The following CNTN1 variants were observed in gnomAD, a reference collection of about 807,000 sequenced individuals.
CNTN1 encodes the protein contactin 1, also known as contactin-1.
A neutral mutation model predicts 126.4 loss-of-function variants in CNTN1; 38 were observed. That is an observed-to-expected ratio of 0.30 (90% CI 0.23 to 0.39). The LOEUF (loss-of-function observed/expected upper bound fraction) is 0.39, where lower values mean the gene tolerates loss of function less well. CNTN1 is among the 10% of genes least tolerant of loss of function. The pLI is 1.00. For synonymous variants in CNTN1, 413 were observed against 422.6 expected (o/e 0.98, Z 0.28); for missense variants, 1,009 against 1,248.4 (o/e 0.81, Z 2.89).
intron 1 of CNTN1, among the ~76,000 whole-genome samples, chr12:40,844,954 G>A (rs546031365): frequency 6.6e-6 from 1 of 152,034 alleles, no homozygotes; most frequent in Non-Finnish European, 1.5e-5. Flanking sequence ...GAAAATAAAG[G>A]AAATTTCAAT....
chr12:41,066,020 T>C (rs1490261005), intron 23 of CNTN1, among the ~76,000 whole-genome samples: 2 of 152,190 alleles, frequency 1.3e-5, no homozygotes, highest in African/African-American at 4.8e-5. Context: ...ATACCTCATA[T>C]ATATTAGGCA....
Position 41,020,459 on chromosome 12 carries a change from A to G in CNTN1, c.2523+19A>G. 7.0e-7 allele frequency: 1 copy of G among 1,430,682 alleles called. No homozygotes were observed. The highest frequency in any genetic ancestry group is 1.2e-5 in the South Asian group (1 of 86,548). 88.6% of individuals were successfully genotyped at this position (1,430,682 alleles called of 1,614,324 possible). On this transcript the variant is annotated intron_variant, in intron 20 of 23. Coordinates refer to ENST00000551295, the MANE Select transcript of CNTN1 (RefSeq NM_001843.4). ...CTATCAGGTACGTTAAATTTTTATC[A>G]AACTAAATACATTTATTCATAAATA...
At chr12:40,937,986 T>C (rs1946137767) in intron 11 of CNTN1, among the ~76,000 whole-genome samples, 2 of 152,186 alleles carry the variant, frequency 1.3e-5, no homozygotes, top group Admixed American at 1.3e-4. Flanking sequence ...ATGGACACTT[T>C]AAAAAGATAC....
At chr12:40,749,861 G>A (rs1210866358) in intron 1 of CNTN1, among the ~76,000 whole-genome samples, 38 of 151,512 alleles carry the variant, frequency 2.5e-4, no homozygotes, top group Non-Finnish European at 4.4e-5. Context: ...GAGAAGAGTT[G>A]GAGTCTAGGG....
intron 1 of CNTN1, among the ~76,000 whole-genome samples, chr12:40,778,754 A>G (rs893779558): frequency 6.6e-6 from 1 of 151,834 alleles, no homozygotes; most frequent in African/African-American, 2.4e-5. Context: ...AACTACATAG[A>G]AAATATTTCC....
At chr12:41,057,077 AT>A (rs1345124288) in intron 23 of CNTN1, among the ~76,000 whole-genome samples, 1 of 130,458 alleles carries the variant, frequency 7.7e-6, no homozygotes, top group African/African-American at 2.8e-5. Context: ...ATATTTAGAT[AT>A]TTATAAATAT....
chr12:40,996,424 G>T lies in CNTN1; in HGVS notation c.2113+3155G>T, dbSNP rs116127759. ...TGGGATTACAGGCATGAGCCACCGGGTCTGGCCTGAGTCTCACTTTTTTCA... is the reference window on the plus strand; with the variant it reads ...TGGGATTACAGGCATGAGCCACCGGTTCTGGCCTGAGTCTCACTTTTTTCA... On this transcript the variant is annotated intron_variant, in intron 17 of 23. Transcript: ENST00000551295. Among the ~76,000 whole-genome samples, 4 of 152,214 alleles carry T rather than the reference G, an allele frequency of 2.6e-5. 1 individual carries two copies. Among genetic ancestry groups the T allele is most frequent in the African/African-American group, 7.2e-5 (3 of 41,550 alleles).
intron 1 of CNTN1, among the ~76,000 whole-genome samples, chr12:40,718,922 G>C (rs1160860948): frequency 1.3e-5 from 2 of 151,588 alleles, no homozygotes; most frequent in African/African-American, 4.9e-5. Context: ...TTTCCCATTA[G>C]AGAACATTTT....
chr12:40,906,675 T>G (rs1259250383), intron 1 of CNTN1, among the ~76,000 whole-genome samples: 1 of 134,146 alleles, frequency 7.5e-6, no homozygotes, highest in Non-Finnish European at 1.6e-5. Flanking sequence ...CATGCTTTTT[T>G]TTTGTTTTGT....
intron 3 of CNTN1, among the ~76,000 whole-genome samples, chr12:40,912,052 C>T (rs1315374876): frequency 2.0e-5 from 3 of 152,136 alleles, no homozygotes; most frequent in Non-Finnish European, 4.4e-5. Flanking sequence ...TGTCATCCAG[C>T]ATATATAATA....
At chr12:40,863,955 T>TCCCTCCCTCCCTCCCTCC (rs1565850919) in intron 1 of CNTN1, among the ~76,000 whole-genome samples, 1 of 83,922 alleles carries the variant, frequency 1.2e-5, no homozygotes, top group African/African-American at 8.5e-5. Flanking sequence ...TCCCTCCCTC[T>TCCCTCCCTCCCTCCCTCC]CTTCTCCTTC....
At chr12:40,719,320 T>G (rs1468227832) in intron 1 of CNTN1, among the ~76,000 whole-genome samples, 1 of 152,212 alleles carries the variant, frequency 6.6e-6, no homozygotes, top group East Asian at 1.9e-4. Flanking sequence ...TGAGGATAAT[T>G]GTATTTTCGG....
intron 1 of CNTN1, among the ~76,000 whole-genome samples, chr12:40,771,837 T>A (rs1355778933): frequency 6.6e-6 from 1 of 152,054 alleles, no homozygotes; most frequent in Admixed American, 6.6e-5. Context: ...ATATGATTTT[T>A]AATTTTTGTT....
intron 1 of CNTN1, among the ~76,000 whole-genome samples, chr12:40,802,625 C>A (rs147844380): frequency 6.6e-6 from 1 of 151,694 alleles, no homozygotes; most frequent in African/African-American, 2.4e-5. Context: ...AAATCAGGAC[C>A]GTAAGATGTA....
chr12:40,804,123 G>A lies in CNTN1; in HGVS notation c.-76-104234G>A, dbSNP rs145829356. On this transcript the variant is annotated intron_variant, in intron 1 of 23. Coordinates refer to ENST00000551295, the MANE Select transcript of CNTN1 (RefSeq NM_001843.4). ...TTAAATGAATAAAATAATTCCAAGT[G>A]ACTTGCACTTCTAGACTTTTTTCTG... 3.8e-3 allele frequency among the ~76,000 whole-genome samples: 572 copies of A among 152,062 alleles called. 1 individual carries two copies. The highest frequency in any genetic ancestry group is 6.8e-3 in the Non-Finnish European group (463 of 67,938).
intron 23 of CNTN1, among the ~76,000 whole-genome samples, chr12:41,045,089 G>GTTACATTAAGATATCTA (rs1371392328): frequency 2.4e-4 from 37 of 151,888 alleles, no homozygotes; most frequent in African/African-American, 8.7e-4. Context: ...GACATAAAAA[G>GTTACATTAAGATATCTA]TTACATTAAG....
At chr12:40,903,815 ATAACTTTTCATTC>A (rs1322795900) in intron 1 of CNTN1, among the ~76,000 whole-genome samples, 1 of 152,214 alleles carries the variant, frequency 6.6e-6, no homozygotes, top group Non-Finnish European at 1.5e-5. Flanking sequence ...AATAATGAAA[ATAACTTTTCATTC>A]TGATTAGAGT....
intron 1 of CNTN1, among the ~76,000 whole-genome samples, chr12:40,754,182 ACCT>A (rs1365698875): frequency 1.2e-4 from 18 of 152,026 alleles, no homozygotes; most frequent in Non-Finnish European, 1.5e-4. Flanking sequence ...TCATAATAGT[ACCT>A]CATTTTTTGG....
intron 14 of CNTN1, among the ~76,000 whole-genome samples, chr12:40,947,058 G>C (rs1273827587): frequency 6.6e-6 from 1 of 151,858 alleles, no homozygotes; most frequent in Non-Finnish European, 1.5e-5. Flanking sequence ...CACCAAAAAA[G>C]CAAAAATAAC....
Sources: gnomAD v4.1 joint callset for allele counts (sites outside exome capture counted in the v4.1 genomes callset) on GRCh38, gnomAD v4.1.1 for gene constraint, MANE v1.5 for transcripts, NCBI Gene and HGNC (gene_info 2026-07-23, HGNC 2026-07-21) for gene names.